The following RBFOX1 variants were observed in gnomAD, a reference collection of about 807,000 sequenced individuals.
RBFOX1 encodes RNA binding fox-1 homolog 1.
In RBFOX1, 8 loss-of-function variants were observed where a neutral mutation model predicts 57.7. That is an observed-to-expected ratio of 0.14 (90% CI 0.08 to 0.25). The LOEUF is 0.25. Ranked by LOEUF, RBFOX1 falls within the 10% of genes least tolerant of loss-of-function variation. RBFOX1 has a pLI of 1.00. For missense variants in RBFOX1, 611 were observed against 548.5 expected, an observed-to-expected ratio of 1.11 and a Z score of -1.14; for synonymous variants, 326 against 222.4, an observed-to-expected ratio of 1.47 and a Z score of -4.15.
rs758785440 is a variant in RBFOX1 at position 7,518,218 on chromosome 16, G to T, written c.99G>T (p.Pro33=). ...QPYASAQFAP[P]QNGIPAEYTA... ...ACGCTTCGGCCCAGTTTGCTCCCCC[G>T]CAGAACGGTATCCCCGCGGAATACA... The change falls in exon 5 of 16, where the codon CCG becomes CCT. Residue 33 remains proline (P), a synonymous_variant. Coordinates refer to ENST00000550418, the MANE Select transcript of RBFOX1 (RefSeq NM_018723.4). 6.2e-7 allele frequency: 1 copy of T among 1,613,942 alleles called. No homozygotes were observed. Among genetic ancestry groups the T allele is most frequent in the Non-Finnish European group, 8.5e-7 (1 of 1,179,982 alleles).
chr16:7,280,950 TACCTACCTCCCTCCC>T (rs2095529223), intron 4 of RBFOX1, among the ~76,000 whole-genome samples: 1 of 117,926 alleles, frequency 8.5e-6, no homozygotes, highest in African/African-American at 3.4e-5. Flanking sequence ...TGTGATTCCC[TACCTACCTCCCTCCC>T]TCCCTCCCTC....
chr16:5,991,120 C>T (rs2060386578), intron 4 of RBFOX1, among the ~76,000 whole-genome samples: 1 of 152,202 alleles, frequency 6.6e-6, no homozygotes, highest in Non-Finnish European at 1.5e-5. Flanking sequence ...CCTTGCCCCT[C>T]TTATTAAAGT....
intron 1 of RBFOX1, among the ~76,000 whole-genome samples, chr16:6,077,689 C>T (rs28728270): frequency 0.38 from 57,227 of 150,048 alleles, 12,264 homozygotes; most frequent in Non-Finnish European, 0.51. Flanking sequence ...TTTATTTTTA[C>T]TTATTTATTT....
At chr16:6,791,088 G>C (rs141658568) in intron 3 of RBFOX1, among the ~76,000 whole-genome samples, 1 of 151,974 alleles carries the variant, frequency 6.6e-6, no homozygotes, top group East Asian at 2.0e-4. Context: ...TGCATTTTTT[G>C]TAGGGATGGG....
intron 2 of RBFOX1, among the ~76,000 whole-genome samples, chr16:6,647,491 A>G (rs1001795723): frequency 6.6e-6 from 1 of 152,088 alleles, no homozygotes; most frequent in East Asian, 1.9e-4. Flanking sequence ...CAAGTGATAT[A>G]CCTGCCTTAG....
At chr16:6,196,446 A>G (rs1331562347) in intron 1 of RBFOX1, among the ~76,000 whole-genome samples, 1 of 152,198 alleles carries the variant, frequency 6.6e-6, no homozygotes, top group African/African-American at 2.4e-5. Context: ...CGTTTAACAC[A>G]TTGCATGGGA....
At chr16:6,217,265 C>T (rs1295119365) in intron 1 of RBFOX1, among the ~76,000 whole-genome samples, 1 of 134,218 alleles carries the variant, frequency 7.5e-6, no homozygotes, top group African/African-American at 2.8e-5. Flanking sequence ...TATTTGAGAA[C>T]AAAAATGTTG....
chr16:6,985,550 G>A (rs567226908), intron 3 of RBFOX1, among the ~76,000 whole-genome samples: 1 of 152,296 alleles, frequency 6.6e-6, no homozygotes, highest in Admixed American at 6.5e-5. Context: ...AGACAGGGCT[G>A]GGAGCAGTGG....
At chr16:5,799,899 A>T (rs923388229) in intron 3 of RBFOX1, among the ~76,000 whole-genome samples, 1 of 152,208 alleles carries the variant, frequency 6.6e-6, no homozygotes, top group Non-Finnish European at 1.5e-5. Flanking sequence ...TAAAAAAAAT[A>T]AGTGGGAGAA....
At chr16:6,374,994 C>G (rs1424182585) in intron 2 of RBFOX1, among the ~76,000 whole-genome samples, 4 of 151,982 alleles carry the variant, frequency 2.6e-5, no homozygotes, top group African/African-American at 7.3e-5. Flanking sequence ...AACAAAGACA[C>G]TGAGCTATTG....
chr16:5,783,274 A>T (rs183419442), intron 3 of RBFOX1, among the ~76,000 whole-genome samples: 2 of 152,188 alleles, frequency 1.3e-5, no homozygotes, highest in Non-Finnish European at 2.9e-5. Flanking sequence ...TTTTCAATCT[A>T]TGTATAAGAT....
intron 10 of RBFOX1, among the ~76,000 whole-genome samples, chr16:7,612,308 G>A (rs188803163): frequency 0.017 from 1,903 of 111,548 alleles, 39 homozygotes; most frequent in African/African-American, 0.062. Context: ...GTAACAGAGC[G>A]AGACTCCATC....
intron 4 of RBFOX1, among the ~76,000 whole-genome samples, chr16:7,488,316 TC>T: frequency 6.6e-6 from 1 of 152,202 alleles, no homozygotes; most frequent in East Asian, 1.9e-4. Context: ...TTTCTCCTTT[TC>T]TTTTTCTCCT....
At chr16:6,634,749 C>A (rs57518752) in intron 2 of RBFOX1, among the ~76,000 whole-genome samples, 3 of 48,142 alleles carry the variant, frequency 6.2e-5, no homozygotes, top group Admixed American at 2.3e-4. Flanking sequence ...ATTAAATATA[C>A]AAAGATATAC....
intron 3 of RBFOX1, among the ~76,000 whole-genome samples, chr16:6,765,133 C>G (rs774055733): frequency 6.6e-6 from 1 of 151,920 alleles, no homozygotes; most frequent in African/African-American, 2.4e-5. Flanking sequence ...GCAAGTAAAA[C>G]GACAGGGAAT....
At chr16:5,832,452 C>G (rs534655747) in intron 3 of RBFOX1, among the ~76,000 whole-genome samples, 1 of 152,204 alleles carries the variant, frequency 6.6e-6, no homozygotes, top group East Asian at 1.9e-4. Context: ...GCCTTAGTTT[C>G]CACAACATAC....
intron 1 of RBFOX1, among the ~76,000 whole-genome samples, chr16:6,049,564 G>C (rs1448607940): frequency 6.6e-6 from 1 of 152,148 alleles, no homozygotes; most frequent in African/African-American, 2.4e-5. Context: ...TAAAGGATAA[G>C]AAGGTTTTTT....
chr16:6,631,237 A>G (rs952728317), intron 2 of RBFOX1, among the ~76,000 whole-genome samples: 11 of 152,108 alleles, frequency 7.2e-5, no homozygotes, highest in African/African-American at 1.7e-4. Context: ...AAGAAGGAAG[A>G]TAAGGACAAG....
At chr16:5,538,961 A>G (rs929252307) in intron 2 of RBFOX1, among the ~76,000 whole-genome samples, 22 of 152,102 alleles carry the variant, frequency 1.4e-4, no homozygotes, top group African/African-American at 4.8e-4. Flanking sequence ...AGCAAAGCCA[A>G]TCGTGTGAAA....
Sources: allele counts gnomAD v4.1 joint callset (sites outside exome capture counted in the v4.1 genomes callset), GRCh38; gene constraint gnomAD v4.1.1; transcripts MANE v1.5; gene names NCBI Gene and HGNC (gene_info 2026-07-23, HGNC 2026-07-21).